ZNF644: variants seen among roughly 807,000 people sequenced by gnomAD.
The protein encoded by ZNF644 is zinc finger motif enhancer binding protein 2.
Under a neutral mutation model 108.0 loss-of-function variants are expected in ZNF644, and 20 were observed. The observed-to-expected ratio is 0.19, with a 90% CI of 0.13 to 0.27. ZNF644 has a LOEUF of 0.27. Among genes scored for constraint, ZNF644 ranks in the 10% least tolerant of loss-of-function variants. ZNF644 has a pLI of 1.00. For synonymous variants in ZNF644, 542 were observed against 539.1 expected, an observed-to-expected ratio of 1.01 and a Z score of -0.08; for missense variants, 1,338 against 1,548.9, an observed-to-expected ratio of 0.86 and a Z score of 2.29.
At chr1:90,933,534 T>C (rs939436055) in intron 4 of ZNF644, among the ~76,000 whole-genome samples, 12 of 151,946 alleles carry the variant, frequency 7.9e-5, no homozygotes, top group Non-Finnish European at 1.6e-4. Context: ...CATGATGGCA[T>C]GAGTCTGTAA....
intron 4 of ZNF644, among the ~76,000 whole-genome samples, chr1:90,933,821 T>C (rs114497564): frequency 6.6e-6 from 1 of 152,316 alleles, no homozygotes; most frequent in African/African-American, 2.4e-5. Context: ...TTAGGTAAGA[T>C]AGCCCTGATT....
intron 1 of ZNF644, among the ~76,000 whole-genome samples, chr1:91,009,911 A>G (rs1659792786): frequency 6.6e-6 from 1 of 152,172 alleles, no homozygotes; most frequent in South Asian, 2.1e-4. Flanking sequence ...CTACAAACTG[A>G]GGAGCCACAA....
At chr1:90,922,804 T>C (rs1046703474) in intron 4 of ZNF644, among the ~76,000 whole-genome samples, 44 of 152,216 alleles carry the variant, frequency 2.9e-4, no homozygotes, top group Non-Finnish European at 4.4e-4. Context: ...GTTCTCGTTG[T>C]TTAGCCCCTA....
At chr1:91,019,641 G>C (rs1383723898) in intron 1 of ZNF644, among the ~76,000 whole-genome samples, 1 of 152,160 alleles carries the variant, frequency 6.6e-6, no homozygotes, top group African/African-American at 2.4e-5. Context: ...CACGATCTCA[G>C]CTCTCTGCAA....
At chr1:90,968,974 CAA>C (rs1019805591) in intron 2 of ZNF644, among the ~76,000 whole-genome samples, 11 of 152,146 alleles carry the variant, frequency 7.2e-5, no homozygotes, top group African/African-American at 2.7e-4. Flanking sequence ...TTACAAAAAT[CAA>C]AGTCATCATT....
chr1:90,999,905 A>T (rs191512469), intron 1 of ZNF644, among the ~76,000 whole-genome samples: 187 of 152,368 alleles, frequency 1.2e-3, no homozygotes, highest in Admixed American at 3.5e-3. Context: ...CTGATAAAAC[A>T]GACTTTAAAC....
intron 1 of ZNF644, among the ~76,000 whole-genome samples, chr1:91,005,396 T>A (rs1361596378): frequency 6.6e-6 from 1 of 152,158 alleles, no homozygotes; most frequent in African/African-American, 2.4e-5. Flanking sequence ...ACCTTAATAC[T>A]TCACATTCAG....
At position 90,938,488 on chromosome 1, in the gene ZNF644, T is replaced by A; in HGVS notation, c.2866A>T (p.Thr956Ser). ...GATTTCTTCTCAAGAGACAAATCAG[T>A]CCAATGAAAAACAGAACTATGCTTT... ...LSKHSSVFHW[T>S]DLSLEKKSCP... Residue 956 changes from threonine (T) to serine (S), a missense_variant, in exon 3 of 6, where the codon ACT becomes TCT. Coordinates refer to ENST00000337393, the MANE Select transcript of ZNF644 (RefSeq NM_201269.3). This position sits in a 1 kb window ranked among gnomAD's most constrained non-coding sequence, Gnocchi z 4.2. 6.2e-7 allele frequency: 1 copy of A among 1,613,960 alleles called. No individual in the cohort carries two copies. Among genetic ancestry groups the A allele is most frequent in the Non-Finnish European group, 8.5e-7 (1 of 1,179,906 alleles).
At chr1:90,978,344 C>T (rs1399533501) in intron 2 of ZNF644, among the ~76,000 whole-genome samples, 7 of 144,100 alleles carry the variant, frequency 4.9e-5, no homozygotes, top group Non-Finnish European at 7.6e-5. Flanking sequence ...AAGAGCAAAA[C>T]TTTGTCTTAA....
chr1:90,933,599 G>A (rs183631812), intron 4 of ZNF644, among the ~76,000 whole-genome samples: 1 of 152,162 alleles, frequency 6.6e-6, no homozygotes, highest in Non-Finnish European at 1.5e-5. Context: ...GGGAGGTGGA[G>A]GTTGCAGTGA....
intron 1 of ZNF644, among the ~76,000 whole-genome samples, chr1:91,012,971 AC>A (rs1660097466): frequency 6.6e-6 from 1 of 152,104 alleles, no homozygotes; most frequent in Non-Finnish European, 1.5e-5. Context: ...TAAATGAAAC[AC>A]TTTCCCTTTT....
chr1:90,956,261 T>A (rs1429111051), intron 2 of ZNF644, among the ~76,000 whole-genome samples: 2 of 152,204 alleles, frequency 1.3e-5, no homozygotes, highest in Admixed American at 6.5e-5. Flanking sequence ...ACTGTGAGGA[T>A]TACCTAAATG....
intron 1 of ZNF644, among the ~76,000 whole-genome samples, chr1:91,007,219 C>CGTTTTTTTTTTTTTTTT (rs1557658445): frequency 4.4e-5 from 5 of 114,248 alleles, no homozygotes; most frequent in African/African-American, 6.6e-5. Context: ...CATTTTCTCC[C>CGTTTTTTTTTTTTTTTT]ATTTTGTTTT....
At chr1:90,948,435 C>A (rs1190357183) in intron 2 of ZNF644, among the ~76,000 whole-genome samples, 1 of 152,158 alleles carries the variant, frequency 6.6e-6, no homozygotes, top group Non-Finnish European at 1.5e-5. Context: ...ATAACTGGTG[C>A]CTTAACAGAT....
intron 1 of ZNF644, among the ~76,000 whole-genome samples, chr1:90,996,916 T>G (rs1245517583): frequency 6.6e-6 from 1 of 152,182 alleles, no homozygotes; most frequent in Non-Finnish European, 1.5e-5. Flanking sequence ...AAGGCTCTAC[T>G]CGCAAAGCTA....
At chr1:90,936,778 A>G (rs1335815960) in intron 4 of ZNF644, among the ~76,000 whole-genome samples, 6 of 151,790 alleles carry the variant, frequency 4.0e-5, no homozygotes, top group African/African-American at 1.5e-4. Context: ...ATTATTTGCC[A>G]ATACATACAA....
intron 1 of ZNF644, among the ~76,000 whole-genome samples, chr1:90,988,408 G>A (rs1657323924): frequency 6.6e-6 from 1 of 152,000 alleles, no homozygotes; most frequent in Non-Finnish European, 1.5e-5. Flanking sequence ...CCAATAAATG[G>A]AAACACACTG....
At chr1:90,942,438 G>A (rs1486685101) in intron 2 of ZNF644, among the ~76,000 whole-genome samples, 1 of 152,128 alleles carries the variant, frequency 6.6e-6, no homozygotes, top group African/African-American at 2.4e-5. Flanking sequence ...CACATTGGAA[G>A]TATCTGCCTT....
At chr1:90,973,091 A>G (rs1399250180) in intron 2 of ZNF644, 1 of 152,192 alleles carries the variant, frequency 6.6e-6, no homozygotes, top group East Asian at 1.9e-4. Context: ...AATGGTTAAA[A>G]TGGCAAATTT....
Sources: allele counts gnomAD v4.1 joint callset (sites outside exome capture counted in the v4.1 genomes callset), GRCh38; gene constraint gnomAD v4.1.1; non-coding constraint Gnocchi (gnomAD v3.1); transcripts MANE v1.5; gene names NCBI Gene and HGNC (gene_info 2026-07-23, HGNC 2026-07-21).